The following SLC6A16 variants were observed in gnomAD, a reference collection of about 807,000 sequenced individuals.
The protein encoded by SLC6A16 is orphan sodium- and chloride-dependent neurotransmitter transporter NTT5.
In SLC6A16, 54 loss-of-function variants were observed where a neutral mutation model predicts 65.4. The ratio of observed to expected loss-of-function variants is 0.83; its 90% CI spans 0.66 to 1.04. SLC6A16 has a LOEUF of 1.04. Ranked by LOEUF, SLC6A16 falls within the 50% of genes least tolerant of loss-of-function variation. SLC6A16 has a pLI of 0.00. For missense variants in SLC6A16, 816 were observed against 914.0 expected, an observed-to-expected ratio of 0.89 and a Z score of 1.38; for synonymous variants, 330 against 346.5, an observed-to-expected ratio of 0.95 and a Z score of 0.53.
intron 1 of SLC6A16, 126 bp from the exon 2 acceptor site, chr19:49,311,537 ATC>A (rs1970522989): frequency 5.7e-6 from 3 of 524,166 alleles, no homozygotes; most frequent in Non-Finnish European, 9.6e-6. Flanking sequence ...GCACAAAAAA[ATC>A]TCTTGCATAA....
At chr19:49,311,492 T>C in intron 1 of SLC6A16, 81 bp from the exon 2 acceptor site, 2 of 775,496 alleles carry the variant, frequency 2.6e-6, no homozygotes, top group Non-Finnish European at 3.9e-6. Context: ...CAACATCTCC[T>C]TAAAGCAAAT....
chr19:49,333,330 G>T, the SLC6A16 span, among the ~76,000 whole-genome samples: 1 of 151,528 alleles, frequency 6.6e-6, no homozygotes, highest in South Asian at 2.1e-4. Flanking sequence ...AAAATTAGCC[G>T]GGCGTAGTGG....
the SLC6A16 span, chr19:49,339,791 G>A: frequency 1.5e-6 from 2 of 1,358,468 alleles, no homozygotes; most frequent in Admixed American, 6.6e-5. The surrounding 1 kb of genome is among the most constrained non-coding windows in gnomAD (Gnocchi z 4.5). Context: ...GGGCACAGCG[G>A]CAGTCTGTGG....
At chr19:49,339,563 G>A in the SLC6A16 span, 1 of 1,464,530 alleles carries the variant, frequency 6.8e-7, no homozygotes, top group Admixed American at 2.5e-5. The surrounding 1 kb of genome is among the most constrained non-coding windows in gnomAD (Gnocchi z 4.5). Context: ...CAGCACCGGA[G>A]GGTGGGGGCG....
chr19:49,292,202 A>G lies in SLC6A16; in HGVS notation c.1778+1021T>C, dbSNP rs1970090949. Among the ~76,000 whole-genome samples, 1 of 152,096 alleles carries G rather than the reference A, an allele frequency of 6.6e-6. No individual in the cohort carries two copies. Among genetic ancestry groups the G allele is most frequent in the South Asian group, 2.1e-4 (1 of 4,832 alleles). ...GCCAACATGGTGAAACCCCGTCTCT[A>G]CTAAGAATACAAAAATTAGCCGGGC... On this transcript the variant is annotated intron_variant, in intron 10 of 11. Coordinates refer to ENST00000335875, the MANE Select transcript of SLC6A16 (RefSeq NM_014037.3). This position sits in a 1 kb window ranked among gnomAD's most constrained non-coding sequence, Gnocchi z 4.3.
chr19:49,335,301 A>C, the SLC6A16 span: 1 of 552,918 alleles, frequency 1.8e-6, no homozygotes, highest in Non-Finnish European at 3.2e-6. The surrounding 1 kb of genome is among the most constrained non-coding windows in gnomAD (Gnocchi z 4.6). Context: ...CAGGTACCAG[A>C]GCATGTGTCC....
chr19:49,299,603 A>G (rs1403255410), intron 7 of SLC6A16, among the ~76,000 whole-genome samples: 1 of 118,552 alleles, frequency 8.4e-6, no homozygotes, highest in South Asian at 2.3e-4. Flanking sequence ...ATGTGCTAGG[A>G]AAAAAAAAAA....
At chr19:49,299,247 A>G (rs1217381747) in intron 7 of SLC6A16, among the ~76,000 whole-genome samples, 1 of 147,458 alleles carries the variant, frequency 6.8e-6, no homozygotes, top group African/African-American at 2.5e-5. Flanking sequence ...CTCCGTCTCA[A>G]AAAAAAAAAA....
At chr19:49,338,104 C>A in the SLC6A16 span, 1 of 1,556,958 alleles carries the variant, frequency 6.4e-7, no homozygotes, top group Non-Finnish European at 8.7e-7. The surrounding 1 kb of genome is among the most constrained non-coding windows in gnomAD (Gnocchi z 5.0). Context: ...TCCACCCCAA[C>A]GTGGGCCCGA....
At chr19:49,308,751 G>C in intron 7 of SLC6A16, 125 bp downstream of exon 7, 2 of 1,114,698 alleles carry the variant, frequency 1.8e-6, no homozygotes, top group South Asian at 1.5e-5. Flanking sequence ...GGAAGGTAGA[G>C]GGCTTGCAAG....
the SLC6A16 span, chr19:49,338,969 A>T: frequency 4.9e-6 from 7 of 1,417,702 alleles, no homozygotes; most frequent in Non-Finnish European, 6.9e-6. The surrounding 1 kb of genome is among the most constrained non-coding windows in gnomAD (Gnocchi z 5.0). Flanking sequence ...AACCTGTCGA[A>T]TGGGGCGGGG....
At chr19:49,308,499 T>C (rs116063503) in intron 7 of SLC6A16, among the ~76,000 whole-genome samples, 1,587 of 152,228 alleles carry the variant, frequency 0.01, 28 homozygotes, top group African/African-American at 0.036. Flanking sequence ...TACTTCTCCA[T>C]TTTTCCAAGG....
rs984772451 is a variant in SLC6A16 at position 49,320,340 on chromosome 19, G to A, written c.-65+4708C>T. ...GGAGAATCGCTTGAACCTAGGAGGC[G>A]GAGGTTGCAGTGAGCCGAGATCACA... On this transcript the variant is annotated intron_variant, in intron 1 of 11. Coordinates refer to ENST00000335875, the MANE Select transcript of SLC6A16 (RefSeq NM_014037.3). Among the ~76,000 whole-genome samples the A allele has an allele frequency of 1.3e-4, 19 of 150,762 alleles. No homozygotes were observed. The East Asian group carries it at 3.3e-3, about 26-fold the overall frequency.
At chr19:49,309,444 G>A (rs1242994111) in intron 5 of SLC6A16, 33 bp from the exon 6 acceptor site, 2 of 1,519,196 alleles carry the variant, frequency 1.3e-6, no homozygotes, top group Non-Finnish European at 9.1e-7. Context: ...CAGCAACCGT[G>A]TACCAGTAGG....
upstream of SLC6A16, among the ~76,000 whole-genome samples, chr19:49,328,020 A>T (rs1287640061): frequency 6.6e-6 from 1 of 152,102 alleles, no homozygotes; most frequent in Non-Finnish European, 1.5e-5. Flanking sequence ...TCTGGGTGAG[A>T]TGAAAGCTAT....
intron 1 of SLC6A16, among the ~76,000 whole-genome samples, chr19:49,324,214 C>T (rs1333758305): frequency 6.6e-6 from 1 of 151,946 alleles, no homozygotes; most frequent in African/African-American, 2.4e-5. Flanking sequence ...GCCTATAGTC[C>T]CAGCTACTTG....
Position 49,301,673 on chromosome 19 carries a change from A to G in SLC6A16, c.1230-7120T>C, listed in dbSNP as rs190946011. 2.4e-4 allele frequency among the ~76,000 whole-genome samples: 36 copies of G among 152,230 alleles called. No individual in the cohort carries two copies. The East Asian group carries it at 6.6e-3, about 28-fold the overall frequency. ...CAGCAAAAGCCCTGTAGTTTTTTCC[A>G]CCTTCACAGTCTCCAGGTGCCTGGC... On this transcript the variant is annotated intron_variant, in intron 7 of 11. Transcript: ENST00000335875.
At chr19:49,322,736 A>G (rs914016470) in intron 1 of SLC6A16, among the ~76,000 whole-genome samples, 3 of 151,364 alleles carry the variant, frequency 2.0e-5, no homozygotes, top group Non-Finnish European at 4.4e-5. Flanking sequence ...AAATAAATGG[A>G]AAAATATCCC....
chr19:49,327,079 A>ATT (rs200482962), upstream of SLC6A16, among the ~76,000 whole-genome samples: 1,513 of 145,022 alleles, frequency 0.01, 20 homozygotes, highest in African/African-American at 0.031. Context: ...TTTCTATCGA[A>ATT]TTTTTTTTTT....
Sources: gnomAD v4.1 joint callset for allele counts (sites outside exome capture counted in the v4.1 genomes callset) on GRCh38, gnomAD v4.1.1 for gene constraint, Gnocchi (gnomAD v3.1) non-coding constraint, MANE v1.5 for transcripts, NCBI Gene and HGNC (gene_info 2026-07-23, HGNC 2026-07-21) for gene names.